The following AFF3 variants were observed in gnomAD, a reference collection of about 807,000 sequenced individuals.
AFF3 encodes ALF transcription elongation factor 3.
In AFF3, 32 loss-of-function variants were observed where a neutral mutation model predicts 129.7. The observed-to-expected ratio is 0.25, with a 90% CI of 0.19 to 0.33. The LOEUF is 0.33. Among genes scored for constraint, AFF3 ranks in the 10% least tolerant of loss-of-function variants. The probability of loss-of-function intolerance (pLI) is 1.00; values close to 1 mark genes in which losing one functional copy is unlikely to be tolerated. For missense variants in AFF3, 1,373 were observed against 1,592.0 expected (o/e 0.86, Z 2.34); for synonymous variants, 644 against 635.4 (o/e 1.01, Z -0.20).
chr2:99,989,009 G>A (rs1680111233), intron 7 of AFF3, among the ~76,000 whole-genome samples: 2 of 152,248 alleles, frequency 1.3e-5, no homozygotes, highest in African/African-American at 4.8e-5. Context: ...AAATTAAAAG[G>A]AATTCACAAC....
chr2:99,937,017 G>A (rs1669347369), intron 7 of AFF3, among the ~76,000 whole-genome samples: 1 of 152,226 alleles, frequency 6.6e-6, no homozygotes, highest in African/African-American at 2.4e-5. Context: ...TTCAGGAAAA[G>A]AGAAGCAGGG....
intron 7 of AFF3, among the ~76,000 whole-genome samples, chr2:99,952,701 C>A (rs1362079699): frequency 6.6e-6 from 1 of 152,214 alleles, no homozygotes; most frequent in Non-Finnish European, 1.5e-5. Context: ...GGTGAGCCTG[C>A]AGAAGCCCTC....
At chr2:100,129,467 G>A (rs1429793652) in intron 1 of AFF3, among the ~76,000 whole-genome samples, 161 bp from the exon 2 acceptor site, 1 of 150,946 alleles carries the variant, frequency 6.6e-6, no homozygotes, top group Middle Eastern at 3.2e-3. Context: ...GTAATGGTCA[G>A]GTCATTCTGC....
chr2:99,836,054 T>C (rs1688852486), intron 8 of AFF3, among the ~76,000 whole-genome samples: 1 of 152,238 alleles, frequency 6.6e-6, no homozygotes, highest in South Asian at 2.1e-4. Context: ...CTCAAGTCTT[T>C]ATTCAAACTT....
chr2:99,559,323 C>T lies in AFF3; in HGVS notation c.3192-355G>A, dbSNP rs1675255477. On this transcript the variant is annotated intron_variant, in intron 21 of 24. Transcript: ENST00000672756. ...CTCTAGTACGCAGCCTTCACTGCTT[C>T]GCGGGCGAGCCCCGCTCTGCGGAAA... is the stretch of plus-strand genomic sequence containing the variant. Among the ~76,000 whole-genome samples, 3 of 152,116 alleles carry T rather than the reference C, an allele frequency of 2.0e-5. No homozygotes were observed. In the South Asian group the frequency reaches 6.2e-4, roughly 32 times the overall value.
At chr2:100,104,745 G>GCCCTGCGCCCGC (rs1691107714) in intron 3 of AFF3, 1 of 927,944 alleles carries the variant, frequency 1.1e-6, no homozygotes, top group African/African-American at 2.0e-5. Flanking sequence ...CCCGCCCCCG[G>GCCCTGCGCCCGC]CCCTGCGCCC....
chr2:99,556,783 G>T (rs923773242), intron 22 of AFF3, among the ~76,000 whole-genome samples: 3 of 152,126 alleles, frequency 2.0e-5, no homozygotes, highest in Non-Finnish European at 2.9e-5. Context: ...TGAGCTGGGT[G>T]TGGTGGTGTG....
intron 13 of AFF3, among the ~76,000 whole-genome samples, chr2:99,612,202 A>G (rs1292772183): frequency 6.6e-6 from 1 of 152,214 alleles, no homozygotes; most frequent in East Asian, 1.9e-4. Flanking sequence ...ATCTTGTCCC[A>G]GAACAGGCAA....
intron 7 of AFF3, among the ~76,000 whole-genome samples, chr2:99,952,228 T>C (rs1676238919): frequency 6.6e-6 from 1 of 152,124 alleles, no homozygotes; most frequent in Admixed American, 6.5e-5. Context: ...GATCTAGTTA[T>C]CTAAAAGCAT....
intron 1 of AFF3, among the ~76,000 whole-genome samples, chr2:100,136,369 G>C (rs1428571136): frequency 1.3e-5 from 2 of 152,222 alleles, no homozygotes; most frequent in Non-Finnish European, 2.9e-5. Flanking sequence ...CGCGGCCAGT[G>C]TGGTAGGAAG....
At chr2:99,987,072 A>T (rs1226144870) in intron 7 of AFF3, among the ~76,000 whole-genome samples, 1 of 152,202 alleles carries the variant, frequency 6.6e-6, no homozygotes, top group Non-Finnish European at 1.5e-5. Context: ...GCACTTCTCA[A>T]TTGGTGACCA....
intron 7 of AFF3, among the ~76,000 whole-genome samples, chr2:99,935,595 A>G (rs1674453360): frequency 1.3e-5 from 2 of 152,238 alleles, no homozygotes; most frequent in Non-Finnish European, 2.9e-5. Flanking sequence ...GGCCATCCCA[A>G]TGATGGACTG....
At chr2:99,688,750 C>A (rs1486930183) in intron 11 of AFF3, among the ~76,000 whole-genome samples, 3 of 152,150 alleles carry the variant, frequency 2.0e-5, no homozygotes, top group Admixed American at 1.3e-4. Context: ...TGACTGCTTC[C>A]TCCAAGTGCC....
chr2:100,114,288 C>CA (rs1691638449), intron 2 of AFF3, among the ~76,000 whole-genome samples: 1 of 152,164 alleles, frequency 6.6e-6, no homozygotes, highest in African/African-American at 2.4e-5. Flanking sequence ...ATTAAGAATT[C>CA]AAAATGTTGA....
chr2:99,893,412 C>T (rs1231169270), intron 7 of AFF3, among the ~76,000 whole-genome samples: 2 of 152,186 alleles, frequency 1.3e-5, no homozygotes, highest in Non-Finnish European at 2.9e-5. Flanking sequence ...CAAGTTGAAG[C>T]CCTAACCCCA....
intron 4 of AFF3, among the ~76,000 whole-genome samples, chr2:100,024,506 T>G (rs1434703400): frequency 2.8e-5 from 4 of 144,780 alleles, no homozygotes; most frequent in Admixed American, 6.9e-5. Context: ...TACTCGGGAG[T>G]CTGAGGCAGG....
At chr2:99,951,606 T>C (rs1676171034) in intron 7 of AFF3, among the ~76,000 whole-genome samples, 1 of 152,178 alleles carries the variant, frequency 6.6e-6, no homozygotes, top group South Asian at 2.1e-4. Flanking sequence ...GTTTTACAAA[T>C]GGTCAGTTTA....
rs186605535 is a variant in AFF3, at chr2:99,684,678, C to T, written c.1092-12089G>A. On this transcript the variant is annotated intron_variant, in intron 11 of 24. Transcript: ENST00000672756. ...CCAGGCTGGAGTGCAGTGGTGTGAT[C>T]ACAGCTCACTGTAGCCTCAACCTCC... 4.0e-5 allele frequency among the ~76,000 whole-genome samples: 6 copies of T among 148,982 alleles called. No individual in the cohort carries two copies. In the East Asian group the frequency reaches 7.9e-4, roughly 20 times the overall value.
intron 13 of AFF3, among the ~76,000 whole-genome samples, chr2:99,648,881 G>GCACACACACACA (rs367768868): frequency 0.049 from 3,150 of 64,096 alleles, 304 homozygotes; most frequent in East Asian, 0.078. Context: ...CTCAAAACAC[G>GCACACACACACA]CGCGCACACA....
Sources: gnomAD v4.1 joint callset for allele counts (sites outside exome capture counted in the v4.1 genomes callset) on GRCh38, gnomAD v4.1.1 for gene constraint, MANE v1.5 for transcripts, NCBI Gene and HGNC (gene_info 2026-07-23, HGNC 2026-07-21) for gene names.